The following ANKRD6 variants were observed in gnomAD, a reference collection of about 807,000 sequenced individuals.
ANKRD6 encodes the protein ankyrin repeat domain 6, also known as ankyrin repeat domain-containing protein 6.
ANKRD6 carries 56 observed loss-of-function variants against 82.3 expected under a neutral mutation model. The observed-to-expected ratio is 0.68, with a 90% CI of 0.55 to 0.85. The LOEUF is 0.85. Among genes scored for constraint, ANKRD6 ranks in the 40% least tolerant of loss-of-function variants. The pLI, the probability that ANKRD6 is intolerant of heterozygous loss-of-function variation, is 0.00. For synonymous variants in ANKRD6, 347 were observed against 352.1 expected (o/e 0.99, Z 0.16); for missense variants, 852 against 907.6 (o/e 0.94, Z 0.79).
At chr6:89,590,736 G>A (rs915623807) in intron 2 of ANKRD6, among the ~76,000 whole-genome samples, 1 of 152,004 alleles carries the variant, frequency 6.6e-6, no homozygotes, top group African/African-American at 2.4e-5. Context: ...AAAGCATGCG[G>A]CTGAGCTCAG....
intron 1 of ANKRD6, among the ~76,000 whole-genome samples, chr6:89,510,902 A>T (rs937098282): frequency 6.6e-6 from 1 of 152,156 alleles, no homozygotes; most frequent in Non-Finnish European, 1.5e-5. Flanking sequence ...GTGGTTACTG[A>T]AGGTCGGAGT....
intron 1 of ANKRD6, among the ~76,000 whole-genome samples, chr6:89,486,773 A>G (rs1777430350): frequency 6.6e-6 from 1 of 152,042 alleles, no homozygotes; most frequent in Non-Finnish European, 1.5e-5. Flanking sequence ...CAGTTCTGTC[A>G]ATGGCCCTCT....
chr6:89,540,962 C>G (rs1312375878), intron 1 of ANKRD6, among the ~76,000 whole-genome samples: 3 of 151,412 alleles, frequency 2.0e-5, no homozygotes, highest in Non-Finnish European at 4.4e-5. Flanking sequence ...TTCTGGGTTC[C>G]CTATTCTGTT....
intron 1 of ANKRD6, among the ~76,000 whole-genome samples, chr6:89,449,372 A>G (rs1037679337): frequency 1.3e-5 from 2 of 152,184 alleles, no homozygotes; most frequent in African/African-American, 4.8e-5. Context: ...AAAACTTGAA[A>G]GGCTGAGGAG....
chr6:89,499,738 C>G (rs1779054113), intron 1 of ANKRD6, among the ~76,000 whole-genome samples: 2 of 152,144 alleles, frequency 1.3e-5, no homozygotes, highest in African/African-American at 2.4e-5. Flanking sequence ...CCACCCAGGG[C>G]TCTTGAGACA....
At chr6:89,563,778 T>A (rs1221795748) in intron 1 of ANKRD6, among the ~76,000 whole-genome samples, 1 of 152,004 alleles carries the variant, frequency 6.6e-6, no homozygotes, top group Non-Finnish European at 1.5e-5. Flanking sequence ...GGGCATCAGA[T>A]GAGAAGAAGC....
chr6:89,577,371 G>A (rs2128105588), intron 2 of ANKRD6, among the ~76,000 whole-genome samples: 1 of 152,204 alleles, frequency 6.6e-6, no homozygotes, highest in Admixed American at 6.5e-5. Flanking sequence ...CAAAAAAATG[G>A]GATATATTTT....
chr6:89,624,340 C>T, intron 12 of ANKRD6, 199 bp from the exon 13 acceptor site: 2 of 693,658 alleles, frequency 2.9e-6, no homozygotes, highest in Non-Finnish European at 4.7e-6. Context: ...GGAGAGGGAC[C>T]ATATCTTACC....
chr6:89,510,211 G>A (rs2127935449), intron 1 of ANKRD6, among the ~76,000 whole-genome samples: 1 of 152,334 alleles, frequency 6.6e-6, no homozygotes, highest in East Asian at 1.9e-4. Flanking sequence ...CTAAGTGGGT[G>A]TAGCATAAAT....
chr6:89,544,207 G>A (rs1378901359), intron 1 of ANKRD6, among the ~76,000 whole-genome samples: 4 of 151,678 alleles, frequency 2.6e-5, no homozygotes, highest in Non-Finnish European at 5.9e-5. Flanking sequence ...TGCCAAGGCA[G>A]TACCAGCATC....
intron 1 of ANKRD6, among the ~76,000 whole-genome samples, chr6:89,500,892 C>A (rs1779184515): frequency 6.6e-6 from 1 of 151,234 alleles, no homozygotes; most frequent in Non-Finnish European, 1.5e-5. Context: ...CAGGCCAAGG[C>A]AATGGGTTGT....
At chr6:89,511,948 A>AT (rs1780595899) in intron 1 of ANKRD6, among the ~76,000 whole-genome samples, 6 of 151,886 alleles carry the variant, frequency 4.0e-5, no homozygotes, top group Non-Finnish European at 5.9e-5. Context: ...ACATTAAAAA[A>AT]ATTTTTTTTT....
At chr6:89,625,175 C>T (rs577422920) in intron 13 of ANKRD6, among the ~76,000 whole-genome samples, 3 of 151,896 alleles carry the variant, frequency 2.0e-5, no homozygotes, top group East Asian at 1.9e-4. Flanking sequence ...CCCAGCTACT[C>T]GGGAGGCTGA....
intron 1 of ANKRD6, among the ~76,000 whole-genome samples, chr6:89,462,912 CAG>C (rs2127774412): frequency 6.6e-6 from 1 of 150,766 alleles, no homozygotes; most frequent in Non-Finnish European, 1.5e-5. Context: ...GTCTGTTACC[CAG>C]CCTGAAATGC....
Position 89,566,993 on chromosome 6 carries a change from C to T in ANKRD6, c.17C>T (p.Ala6Val), listed in dbSNP as rs200814043. The T allele has an allele frequency of 2.4e-5, 39 of 1,595,834 alleles. No homozygotes were observed. In the South Asian group the frequency reaches 3.0e-4, roughly 12 times the overall value. The change falls in exon 2 of 16, where the codon GCG becomes GTG. Residue 6 changes from alanine (A) to valine (V), a missense_variant. Coordinates refer to ENST00000339746, the MANE Select transcript of ANKRD6 (RefSeq NM_001242809.2). MSQQD[A>V]VAALSERLLV... The stretch of plus-strand genomic sequence containing the variant: ...TCCTAATTCATGAGCCAGCAAGATG[C>T]GGTCGCTGCACTTTCAGAGCGCCTT...
chr6:89,617,844 G>GC, intron 8 of ANKRD6, 110 bp from the exon 9 acceptor site: 1 of 1,000,386 alleles, frequency 1.0e-6, no homozygotes, highest in South Asian at 1.4e-5. Context: ...TAGGTGCTGG[G>GC]TGTGACTGGG....
chr6:89,520,368 C>T (rs1781748334), intron 1 of ANKRD6, among the ~76,000 whole-genome samples: 1 of 152,200 alleles, frequency 6.6e-6, no homozygotes, highest in Non-Finnish European at 1.5e-5. Flanking sequence ...AGGCAGTTAC[C>T]TCCATGGATG....
intron 1 of ANKRD6, among the ~76,000 whole-genome samples, chr6:89,493,411 T>A (rs113915891): frequency 6.6e-6 from 1 of 152,226 alleles, no homozygotes; most frequent in African/African-American, 2.4e-5. Context: ...TCTCCTTTTT[T>A]AATTTTTTTA....
intron 5 of ANKRD6, among the ~76,000 whole-genome samples, chr6:89,606,826 A>T (rs551433754): frequency 6.7e-6 from 1 of 148,378 alleles, no homozygotes; most frequent in East Asian, 2.1e-4. Context: ...ACTGCACTCC[A>T]GCCTGGGCAC....
Sources: gnomAD v4.1 joint callset for allele counts (sites outside exome capture counted in the v4.1 genomes callset) on GRCh38, gnomAD v4.1.1 for gene constraint, MANE v1.5 for transcripts, NCBI Gene and HGNC (gene_info 2026-07-23, HGNC 2026-07-21) for gene names.